CACNA2D1: variants seen among roughly 807,000 people sequenced by gnomAD.
CACNA2D1 encodes the protein calcium voltage-gated channel auxiliary subunit alpha2delta 1, also known as voltage-dependent calcium channel subunit alpha-2/delta-1.
In CACNA2D1, 53 loss-of-function variants were observed where a neutral mutation model predicts 171.5. The ratio of observed to expected loss-of-function variants is 0.31; its 90% CI spans 0.25 to 0.39. CACNA2D1 has a LOEUF of 0.39. Ranked by LOEUF, CACNA2D1 falls within the 10% of genes least tolerant of loss-of-function variation. The pLI is 1.00. For missense variants in CACNA2D1, 903 were observed against 1,299.8 expected, an observed-to-expected ratio of 0.69 and a Z score of 4.69; for synonymous variants, 442 against 443.1, an observed-to-expected ratio of 1.00 and a Z score of 0.03.
intron 34 of CACNA2D1, among the ~76,000 whole-genome samples, chr7:81,963,851 CAT>C (rs1317434169): frequency 6.6e-6 from 1 of 151,928 alleles, no homozygotes; most frequent in South Asian, 2.1e-4. Context: ...ACATTGTTTT[CAT>C]ATGAGAAACT....
At chr7:82,355,644 G>A (rs140461761) in intron 1 of CACNA2D1, among the ~76,000 whole-genome samples, 1,895 of 152,044 alleles carry the variant, frequency 0.012, 17 homozygotes, top group Non-Finnish European at 0.018. Context: ...CTTGAGACCC[G>A]TGCTCCTATG....
intron 10 of CACNA2D1, chr7:82,050,958 C>A: frequency 3.6e-6 from 1 of 280,694 alleles, no homozygotes; most frequent in South Asian, 4.1e-5. Flanking sequence ...TCTACCAGTC[C>A]ATCTAAGAGA....
chr7:82,418,631 G>T (rs958633051), intron 1 of CACNA2D1, among the ~76,000 whole-genome samples: 1 of 152,110 alleles, frequency 6.6e-6, no homozygotes, highest in Non-Finnish European at 1.5e-5. Flanking sequence ...TGACCACTGG[G>T]ATTTCTGTTT....
At chr7:82,304,686 A>G (rs964306628) in intron 3 of CACNA2D1, among the ~76,000 whole-genome samples, 4 of 152,174 alleles carry the variant, frequency 2.6e-5, no homozygotes, top group Non-Finnish European at 4.4e-5. Flanking sequence ...ATAATGATAG[A>G]TAACCAGAGG....
chr7:81,950,265 G>A lies in CACNA2D1; in HGVS notation c.*127C>T. The A allele has an allele frequency of 1.9e-6, 3 of 1,569,600 alleles. No individual in the cohort carries two copies. The highest frequency in any genetic ancestry group is 1.1e-5 in the South Asian group (1 of 88,062). On this transcript the variant is annotated 3_prime_UTR_variant, in exon 39 of 39. Coordinates refer to ENST00000356860, the MANE Select transcript of CACNA2D1 (RefSeq NM_000722.4). ...TTAGGAGTCTGCGCCTTAGTGTTAT[G>A]CCATGGAACAGGCCCAGCTAATGTT... is the stretch of plus-strand genomic sequence containing the variant.
intron 2 of CACNA2D1, among the ~76,000 whole-genome samples, chr7:82,337,048 G>C (rs1484932096): frequency 6.6e-6 from 1 of 152,082 alleles, no homozygotes; most frequent in African/African-American, 2.4e-5. Flanking sequence ...GGAATAAATA[G>C]ATTATAAATC....
chr7:82,256,343 ATCT>A (rs1286761252), intron 3 of CACNA2D1, among the ~76,000 whole-genome samples: 1 of 152,148 alleles, frequency 6.6e-6, no homozygotes, highest in Non-Finnish European at 1.5e-5. Flanking sequence ...TCAGAGTTTG[ATCT>A]TCTCTCCAAG....
At chr7:82,294,995 C>T (rs1812086533) in intron 3 of CACNA2D1, among the ~76,000 whole-genome samples, 1 of 151,906 alleles carries the variant, frequency 6.6e-6, no homozygotes, top group African/African-American at 2.4e-5. Context: ...ATTTTACTTG[C>T]TAAGTTAAAA....
At chr7:82,364,329 T>C (rs1484468882) in intron 1 of CACNA2D1, among the ~76,000 whole-genome samples, 9 of 152,168 alleles carry the variant, frequency 5.9e-5, no homozygotes, top group Non-Finnish European at 1.3e-4. Flanking sequence ...TTGAGAACTA[T>C]GGATCTAGCT....
At chr7:82,384,489 A>T (rs972226011) in intron 1 of CACNA2D1, among the ~76,000 whole-genome samples, 1 of 152,172 alleles carries the variant, frequency 6.6e-6, no homozygotes, top group Non-Finnish European at 1.5e-5. Context: ...AGAACTGTGA[A>T]AAATAAATGT....
intron 1 of CACNA2D1, among the ~76,000 whole-genome samples, chr7:82,393,285 C>T (rs1230831063): frequency 6.6e-6 from 1 of 152,078 alleles, no homozygotes; most frequent in Non-Finnish European, 1.5e-5. Context: ...TTTCATCTTG[C>T]AATAGGGAAA....
intron 24 of CACNA2D1, among the ~76,000 whole-genome samples, chr7:81,976,835 CAAA>C (rs1795902622): frequency 1.3e-5 from 2 of 152,182 alleles, no homozygotes; most frequent in East Asian, 3.9e-4. Flanking sequence ...GCCTGAGAAA[CAAA>C]AGCGAGACTG....
chr7:82,057,898 A>C (rs975324501), intron 10 of CACNA2D1, among the ~76,000 whole-genome samples: 6 of 152,130 alleles, frequency 3.9e-5, no homozygotes, highest in Admixed American at 2.6e-4. Flanking sequence ...TAAATCTAGA[A>C]GTCCACCATC....
At chr7:82,051,087 C>G (rs1382840295) in intron 10 of CACNA2D1, 1 of 162,864 alleles carries the variant, frequency 6.1e-6, no homozygotes, top group Admixed American at 5.8e-5. Flanking sequence ...TATAAACCAA[C>G]ATATATTGGC....
chr7:82,059,990 C>A (rs1231080636), intron 10 of CACNA2D1, among the ~76,000 whole-genome samples: 1 of 32,748 alleles, frequency 3.1e-5, no homozygotes, highest in Non-Finnish European at 5.5e-5. Flanking sequence ...ACACCAGGGC[C>A]TGTTGTGGGG....
At chr7:82,352,743 C>A (rs1820000736) in intron 1 of CACNA2D1, among the ~76,000 whole-genome samples, 1 of 152,110 alleles carries the variant, frequency 6.6e-6, no homozygotes, top group East Asian at 1.9e-4. Context: ...GTAGCAGCTA[C>A]TTGAAGTCAT....
chr7:82,013,415 CT>C, intron 14 of CACNA2D1, 45 bp downstream of exon 14: 1 of 858,506 alleles, frequency 1.2e-6, no homozygotes, highest in Non-Finnish European at 1.7e-6. Flanking sequence ...AGAAAAATAT[CT>C]TTTACTTGAA....
chr7:82,439,198 G>T (rs1440268127), intron 1 of CACNA2D1, among the ~76,000 whole-genome samples: 1 of 151,966 alleles, frequency 6.6e-6, no homozygotes, highest in East Asian at 1.9e-4. Flanking sequence ...AGTTTGTTAT[G>T]AGCACTATTG....
intron 12 of CACNA2D1, chr7:82,027,544 T>G (rs979468335): frequency 1.3e-5 from 2 of 151,760 alleles, no homozygotes; most frequent in African/African-American, 4.8e-5. Flanking sequence ...TCATTCATCT[T>G]TAGCCTATAA....
Sources: gnomAD v4.1 joint callset for allele counts (sites outside exome capture counted in the v4.1 genomes callset) on GRCh38, gnomAD v4.1.1 for gene constraint, MANE v1.5 for transcripts, NCBI Gene and HGNC (gene_info 2026-07-23, HGNC 2026-07-21) for gene names.